The following DLG2 variants were observed in gnomAD, a reference collection of about 807,000 sequenced individuals.
DLG2 encodes the protein disks large homolog 2.
In DLG2, 45 loss-of-function variants were observed where a neutral mutation model predicts 132.5. The observed-to-expected ratio is 0.34, with a 90% CI of 0.27 to 0.44. The LOEUF is 0.44. Among genes scored for constraint, DLG2 ranks in the 20% least tolerant of loss-of-function variants. The probability of loss-of-function intolerance (pLI) is 1.00; values close to 1 mark genes in which losing one functional copy is unlikely to be tolerated. For synonymous variants in DLG2, 424 were observed against 419.6 expected (o/e 1.01, Z -0.13); for missense variants, 1,045 against 1,196.9 (o/e 0.87, Z 1.87).
At chr11:85,461,434 G>C (rs2092608810) in intron 3 of DLG2, among the ~76,000 whole-genome samples, 1 of 152,080 alleles carries the variant, frequency 6.6e-6, no homozygotes, top group South Asian at 2.1e-4. Context: ...TGACATTTGG[G>C]CAAAAAACAG....
At chr11:84,373,755 T>C (rs2098718463) in intron 7 of DLG2, among the ~76,000 whole-genome samples, 1 of 152,200 alleles carries the variant, frequency 6.6e-6, no homozygotes, top group Non-Finnish European at 1.5e-5. Context: ...AGTTGTTGAT[T>C]ATTTTTAAGA....
chr11:85,515,514 T>C (rs1258860820), intron 3 of DLG2, among the ~76,000 whole-genome samples: 6 of 151,928 alleles, frequency 3.9e-5, no homozygotes, highest in South Asian at 4.1e-4. Context: ...CAGCTGAAAA[T>C]TGAGGATATT....
intron 6 of DLG2, among the ~76,000 whole-genome samples, chr11:84,646,233 C>T (rs2099674750): frequency 6.6e-6 from 1 of 152,074 alleles, no homozygotes; most frequent in Admixed American, 6.5e-5. Flanking sequence ...AATCCCTTTC[C>T]CATAAAAAAC....
intron 7 of DLG2, among the ~76,000 whole-genome samples, chr11:84,489,268 GT>G (rs1230818805): frequency 6.6e-6 from 1 of 152,042 alleles, no homozygotes; most frequent in Non-Finnish European, 1.5e-5. Context: ...GATTATTTAT[GT>G]TCCGAAGGAT....
At chr11:85,443,408 T>C (rs2091875210) in intron 3 of DLG2, among the ~76,000 whole-genome samples, 1 of 152,194 alleles carries the variant, frequency 6.6e-6, no homozygotes, top group South Asian at 2.1e-4. Context: ...AGTCGCTTAG[T>C]CTCTCTGAGG....
chr11:83,470,810 G>T (rs2091928095), intron 24 of DLG2, among the ~76,000 whole-genome samples: 1 of 152,268 alleles, frequency 6.6e-6, no homozygotes, highest in South Asian at 2.1e-4. Flanking sequence ...ACACTTGAAA[G>T]CATCAGGCTT....
chr11:85,350,994 T>A (rs1032163931), intron 3 of DLG2, among the ~76,000 whole-genome samples: 3 of 152,200 alleles, frequency 2.0e-5, no homozygotes, highest in Non-Finnish European at 4.4e-5. Flanking sequence ...GTAAATTACC[T>A]TGGGCAGTAT....
chr11:83,889,339 A>C (rs933141808), intron 15 of DLG2, among the ~76,000 whole-genome samples: 2 of 152,136 alleles, frequency 1.3e-5, no homozygotes, highest in Admixed American at 6.6e-5. Flanking sequence ...TTATGCAGCC[A>C]AAAAACACAT....
In DLG2 at chr11:84,048,803, T is replaced by TCC. The variant is rs1210300652; in HGVS notation, c.919+10511_919+10512insGG. On this transcript the variant is annotated intron_variant, in intron 11 of 27. Transcript: ENST00000376104. ...GCTAACCTAAACATCTCCAAGTTAT[T>TCC]ATGGTTACAAGATAGAAAATCCAAC... Among the ~76,000 whole-genome samples the TCC allele has an allele frequency of 2.0e-5, 3 of 151,498 alleles. No individual in the cohort carries two copies. The East Asian group carries it at 5.9e-4, about 30-fold the overall frequency.
intron 3 of DLG2, among the ~76,000 whole-genome samples, chr11:85,304,722 A>G (rs987636740): frequency 3.3e-5 from 5 of 152,208 alleles, no homozygotes; most frequent in Non-Finnish European, 5.9e-5. Flanking sequence ...AACCTGTAGT[A>G]CAGAATACTT....
chr11:85,595,344 G>A (rs1051795415), intron 3 of DLG2, among the ~76,000 whole-genome samples: 10 of 151,936 alleles, frequency 6.6e-5, no homozygotes, highest in Non-Finnish European at 1.5e-4. Flanking sequence ...TCTAAACAAA[G>A]AGACATAAAT....
intron 3 of DLG2, among the ~76,000 whole-genome samples, chr11:85,455,656 G>C (rs1640063596): frequency 6.6e-6 from 1 of 152,112 alleles, no homozygotes. Flanking sequence ...TGTAGGCTGT[G>C]GGTTTGTCAC....
At chr11:83,801,114 T>G (rs557493024) in intron 17 of DLG2, among the ~76,000 whole-genome samples, 1 of 152,270 alleles carries the variant, frequency 6.6e-6, no homozygotes, top group East Asian at 1.9e-4. Flanking sequence ...CTCAAACCAC[T>G]GAATCAAGAA....
intron 11 of DLG2, among the ~76,000 whole-genome samples, chr11:84,057,879 G>A (rs2096529791): frequency 6.6e-6 from 1 of 152,152 alleles, no homozygotes; most frequent in African/African-American, 2.4e-5. Context: ...GAGCTGCAGA[G>A]CCAAGGTACT....
At chr11:83,488,523 T>G (rs1338665732) in intron 21 of DLG2, among the ~76,000 whole-genome samples, 2 of 151,954 alleles carry the variant, frequency 1.3e-5, no homozygotes, top group Non-Finnish European at 2.9e-5. Context: ...TAAACACACA[T>G]GAGTGAATCT....
At chr11:85,364,570 C>T (rs2084394968) in intron 3 of DLG2, among the ~76,000 whole-genome samples, 1 of 152,114 alleles carries the variant, frequency 6.6e-6, no homozygotes, top group South Asian at 2.1e-4. Flanking sequence ...CCTTACCTTC[C>T]CTGCCTTTTT....
intron 6 of DLG2, among the ~76,000 whole-genome samples, chr11:84,919,409 T>TAAA (rs2092651989): frequency 6.6e-6 from 1 of 152,208 alleles, no homozygotes; most frequent in Non-Finnish European, 1.5e-5. Context: ...TTACACTCTT[T>TAAA]TTCTTAAAAG....
chr11:85,499,635 A>G (rs1477580411), intron 3 of DLG2, among the ~76,000 whole-genome samples: 1 of 152,160 alleles, frequency 6.6e-6, no homozygotes, highest in Non-Finnish European at 1.5e-5. Context: ...TGGCAGAGAC[A>G]CAACAAAAAA....
chr11:85,265,497 C>T (rs2077161389), intron 4 of DLG2, among the ~76,000 whole-genome samples: 1 of 152,154 alleles, frequency 6.6e-6, no homozygotes, highest in Non-Finnish European at 1.5e-5. Context: ...AGCACTCTGG[C>T]CCCCACGACA....
Sources: gnomAD v4.1 joint callset for allele counts (sites outside exome capture counted in the v4.1 genomes callset) on GRCh38, gnomAD v4.1.1 for gene constraint, MANE v1.5 for transcripts, NCBI Gene and HGNC (gene_info 2026-07-23, HGNC 2026-07-21) for gene names.